The following CARD10 variants were observed in gnomAD, a reference collection of about 807,000 sequenced individuals.
CARD10 encodes the protein caspase recruitment domain family member 10, also known as caspase recruitment domain-containing protein 10.
Under a neutral mutation model 114.6 loss-of-function variants are expected in CARD10, and 49 were observed. The observed-to-expected ratio is 0.43, with a 90% CI of 0.34 to 0.54. The LOEUF (loss-of-function observed/expected upper bound fraction) is 0.54. CARD10 is among the 20% of genes least tolerant of loss of function. CARD10 has a pLI of 0.03. For missense variants in CARD10, 1,206 were observed against 1,397.2 expected, an observed-to-expected ratio of 0.86 and a Z score of 2.18; for synonymous variants, 602 against 593.2, an observed-to-expected ratio of 1.01 and a Z score of -0.21.
At chr22:37,510,721 C>T (rs574397524) in intron 3 of CARD10, among the ~76,000 whole-genome samples, 1 of 152,354 alleles carries the variant, frequency 6.6e-6, no homozygotes, top group South Asian at 2.1e-4. Context: ...GCACTTCTGA[C>T]ACTGACTCCC....
Position 37,504,728 on chromosome 22 carries a change from G to A in CARD10, c.1425C>T (p.Ser475=). The A allele has an allele frequency of 1.9e-6, 3 of 1,579,482 alleles. No homozygotes were observed. The highest frequency in any genetic ancestry group is 2.6e-6 in the Non-Finnish European group (3 of 1,164,872). ...SSHSLCSNLS[S]TWSLSEFPSP... is the part of the protein sequence containing the mutation. ...AGGGGAACTCGCTCAGGCTCCAAGT[G>A]CTGCTGAGGTTGGAGCACAGGGAAT... Residue 475 remains serine, a synonymous_variant, in exon 8 of 20, where the codon AGC becomes AGT. Coordinates refer to ENST00000251973, the MANE Select transcript of CARD10 (RefSeq NM_014550.4).
chr22:37,508,514 G>T lies in CARD10; in HGVS notation c.1065+13C>A. On this transcript the variant is annotated intron_variant, in intron 5 of 19. Coordinates refer to ENST00000251973, the MANE Select transcript of CARD10 (RefSeq NM_014550.4). ...CCTCCCGCACAAGGGGCAGGGCACG[G>T]GCAGGGCCCCACCTGGTCGCGCAGC... The T allele has an allele frequency of 6.3e-7, 1 of 1,581,572 alleles. No homozygotes were observed.
intron 9 of CARD10, among the ~76,000 whole-genome samples, chr22:37,503,658 G>A (rs1923301214): frequency 6.6e-6 from 1 of 152,100 alleles, no homozygotes; most frequent in African/African-American, 2.4e-5. Flanking sequence ...AGCCTCCCAG[G>A]GCCCAGCCTC....
rs759756598 is a variant in CARD10 at position 37,495,801 on chromosome 22, A to G, written c.2262T>C (p.Thr754=). The stretch of plus-strand genomic sequence containing the variant: ...CGGTGCCCCGGTCCAGGTCCCGCAG[A>G]GTGAGGGGGTCAACCCGGGTGCAGA... The part of the protein sequence containing the change: ...EWFCTRVDPL[T]LRDLDRGTVP... The change falls in exon 14 of 20, where the codon ACT becomes ACC. Residue 754 remains threonine, a synonymous_variant. Coordinates refer to ENST00000251973, the MANE Select transcript of CARD10 (RefSeq NM_014550.4). The G allele has an allele frequency of 1.2e-6, 2 of 1,613,866 alleles. No individual in the cohort carries two copies. Among genetic ancestry groups the G allele is most frequent in the Non-Finnish European group, 1.7e-6 (2 of 1,180,038 alleles).
At chr22:37,516,414 T>C (rs1923848671) in intron 2 of CARD10, 116 bp from the exon 3 acceptor site, 3 of 737,556 alleles carry the variant, frequency 4.1e-6, no homozygotes, top group Non-Finnish European at 2.1e-6. Context: ...TTCTGGAATA[T>C]ATTTGTAGAA....
At chr22:37,491,505 A>C (rs1922774956) in intron 19 of CARD10, 112 bp from the exon 20 acceptor site, 3 of 632,280 alleles carry the variant, frequency 4.7e-6, no homozygotes, top group Non-Finnish European at 7.2e-6. Flanking sequence ...ATGGACAACC[A>C]AAGAGAGACA....
chr22:37,509,250 C>T (rs561117753), intron 4 of CARD10: 10 of 1,009,628 alleles, frequency 9.9e-6, no homozygotes, highest in South Asian at 2.2e-5. Flanking sequence ...ACTGACCTGC[C>T]GCAGGACACT....
rs561397797 is a variant in CARD10 at position 37,505,824 on chromosome 22, G to C, written c.1383+368C>G. 5.7e-4 allele frequency among the ~76,000 whole-genome samples: 86 copies of C among 152,154 alleles called. 1 individual carries two copies. In the South Asian group the frequency reaches 0.017, roughly 30 times the overall value. On this transcript the variant is annotated intron_variant, in intron 7 of 19. Transcript: ENST00000251973. Reference sequence around the variant, plus strand: ...CCAGCTGGTCTCTGAGGGATGCTTAGGCCCATGTTAGTCCTGACTAGCTGG... The same window carrying C: ...CCAGCTGGTCTCTGAGGGATGCTTACGCCCATGTTAGTCCTGACTAGCTGG...
rs575099487 is a variant in CARD10, at chr22:37,509,184, C to T, written c.910-502G>A. 7.0e-6 allele frequency: 10 copies of T among 1,431,220 alleles called. No individual in the cohort carries two copies. The African/African-American group carries it at 1.3e-4, about 18-fold the overall frequency. The allele number at this position is 1,431,220 out of a possible 1,614,324, so 88.7% of individuals were successfully genotyped here. On this transcript the variant is annotated intron_variant, in intron 4 of 19. Coordinates refer to ENST00000251973, the MANE Select transcript of CARD10 (RefSeq NM_014550.4). ...ATGAAACACACTGGCTCTCATCCCC[C>T]ACTTCCTGTGTGGAACAATGGCCAG... is the stretch of plus-strand genomic sequence containing the variant.
intron 9 of CARD10, 61 bp from the exon 10 acceptor site, chr22:37,503,274 C>A: frequency 6.8e-7 from 1 of 1,474,310 alleles, no homozygotes; most frequent in South Asian, 1.3e-5. Flanking sequence ...CTCTGCCCCG[C>A]TCCCTCCTCC....
At chr22:37,508,379 G>T in intron 5 of CARD10, 148 bp downstream of exon 5, 1 of 944,410 alleles carries the variant, frequency 1.1e-6, no homozygotes, top group Non-Finnish European at 1.5e-6. Flanking sequence ...CAAGCGCCTA[G>T]AAGGGTGCCT....
intron 3 of CARD10, among the ~76,000 whole-genome samples, chr22:37,512,898 A>G (rs909653645): frequency 1.3e-5 from 2 of 152,172 alleles, no homozygotes; most frequent in Non-Finnish European, 2.9e-5. Context: ...ATAACAGCTC[A>G]TTAAATTTGC....
chr22:37,518,178 C>A, intron 1 of CARD10, 70 bp from the exon 2 acceptor site: 1 of 1,512,200 alleles, frequency 6.6e-7, no homozygotes, highest in South Asian at 1.2e-5. Flanking sequence ...TTGCTTCTGC[C>A]CCCACCATGC....
At position 37,504,636 on chromosome 22, in the gene CARD10, G is replaced by A. The variant is rs187973940; in HGVS notation, c.1517C>T (p.Ser506Leu). Reference sequence around the variant, plus strand: ...TTTGGGATGGGGCAGTTGTCTTACCGAGTTGTGAGGCTCAGGTCCCCCCAT... The same window carrying A: ...TTTGGGATGGGGCAGTTGTCTTACCAAGTTGTGAGGCTCAGGTCCCCCCAT... ...AVMGGPEPHN[S>L]EEATDSEKEI... Residue 506 changes from serine to leucine, a missense_variant and splice_region_variant, in exon 8 of 20, where the codon TCG becomes TTG. Coordinates refer to ENST00000251973, the MANE Select transcript of CARD10 (RefSeq NM_014550.4). The A allele has an allele frequency of 8.1e-5, 121 of 1,488,802 alleles. 3 individuals are homozygous for A. In the Admixed American group the frequency reaches 1.6e-3, roughly 20 times the overall value. 92.2% of individuals were successfully genotyped at this position (1,488,802 alleles called of 1,614,324 possible). A position where few individuals can be genotyped will look rare whatever the true frequency, so the allele number is the denominator to read the frequency against.
chr22:37,495,738 C>T, intron 14 of CARD10, 22 bp downstream of exon 14: 1 of 1,612,974 alleles, frequency 6.2e-7, no homozygotes, highest in Non-Finnish European at 8.5e-7. Flanking sequence ...GACCCCATCC[C>T]CAGCTCCTGG....
Position 37,496,990 on chromosome 22 carries a change from C to G in CARD10, c.1947+29G>C. The G allele has an allele frequency of 6.4e-7, 1 of 1,563,310 alleles. No individual in the cohort carries two copies. The highest frequency in any genetic ancestry group is 8.7e-7 in the Non-Finnish European group (1 of 1,155,852). ...AGCCTGGGCAAAAGCACTGACCCTA[C>G]CCCCCCAGCTCAGGAGGCAGGGCCT... On this transcript the variant is annotated intron_variant, in intron 12 of 19. Transcript: ENST00000251973. The surrounding 1 kb of genome is among the most constrained non-coding windows in gnomAD (Gnocchi z 4.1).
intron 11 of CARD10, 107 bp from the exon 12 acceptor site, chr22:37,497,285 TC>T: frequency 8.5e-7 from 1 of 1,178,670 alleles, no homozygotes; most frequent in Non-Finnish European, 1.2e-6. Context: ...ATGCCATGAC[TC>T]CCACCCCCAG....
chr22:37,496,996 C>G lies in CARD10; in HGVS notation c.1947+23G>C, dbSNP rs758822692. ...GGCAAAAGCACTGACCCTACCCCCCCAGCTCAGGAGGCAGGGCCTCACCTC... is the reference window on the plus strand; with the variant it reads ...GGCAAAAGCACTGACCCTACCCCCCGAGCTCAGGAGGCAGGGCCTCACCTC... On this transcript the variant is annotated intron_variant, in intron 12 of 19. Transcript: ENST00000251973. The surrounding 1 kb of genome is among the most constrained non-coding windows in gnomAD (Gnocchi z 4.1). 1.3e-5 allele frequency: 20 copies of G among 1,583,356 alleles called. No individual in the cohort carries two copies. Among genetic ancestry groups the G allele is most frequent in the Non-Finnish European group, 1.7e-5 (20 of 1,166,278 alleles).
Position 37,496,730 on chromosome 22 carries a change from C to A in CARD10, c.1948-170G>T. 1.6e-6 allele frequency: 1 copy of A among 643,544 alleles called. No homozygotes were observed. The highest frequency in any genetic ancestry group is 2.7e-6 in the Non-Finnish European group (1 of 371,424). The allele number at this position is 643,544 out of a possible 1,614,324, so 39.9% of individuals were successfully genotyped here. ...GTCAGACCCGTCCCCATCCACAGGA[C>A]GCCCCCATCCACAGGACTCCCCAAC... On this transcript the variant is annotated intron_variant, in intron 12 of 19. Transcript: ENST00000251973. The surrounding 1 kb of genome is among the most constrained non-coding windows in gnomAD (Gnocchi z 4.1).
Sources: gnomAD v4.1 joint callset for allele counts (sites outside exome capture counted in the v4.1 genomes callset) on GRCh38, gnomAD v4.1.1 for gene constraint, Gnocchi (gnomAD v3.1) non-coding constraint, MANE v1.5 for transcripts, NCBI Gene and HGNC (gene_info 2026-07-23, HGNC 2026-07-21) for gene names.